AFDN: variants seen among roughly 807,000 people sequenced by gnomAD.
The protein encoded by AFDN is afadin, adherens junction formation factor, also known as afadin.
Under a neutral mutation model 216.6 loss-of-function variants are expected in AFDN, and 68 were observed. The ratio of observed to expected loss-of-function variants is 0.31; its 90% CI spans 0.26 to 0.38. The LOEUF is 0.38. Ranked by LOEUF, AFDN falls within the 10% of genes least tolerant of loss-of-function variation. AFDN has a pLI of 1.00. For synonymous variants in AFDN, 868 were observed against 853.7 expected, an observed-to-expected ratio of 1.02 and a Z score of -0.29; for missense variants, 2,136 against 2,342.0, an observed-to-expected ratio of 0.91 and a Z score of 1.82.
intron 23 of AFDN, among the ~76,000 whole-genome samples, chr6:167,936,177 C>G (rs1793977168): frequency 6.6e-6 from 1 of 152,216 alleles, no homozygotes; most frequent in African/African-American, 2.4e-5. Flanking sequence ...ATGAGCCACA[C>G]TTTCAGTGCT....
chr6:167,896,783 A>G (rs1583317731), intron 9 of AFDN, 95 bp from the exon 10 acceptor site: 2 of 674,046 alleles, frequency 3.0e-6, no homozygotes, highest in East Asian at 2.8e-5. Context: ...AGAAATGAGA[A>G]CTGTAGTGCC....
At chr6:167,952,569 T>A in intron 30 of AFDN, 1 of 941,888 alleles carries the variant, frequency 1.1e-6, no homozygotes, top group Non-Finnish European at 1.3e-6. Context: ...TACTTTAGGC[T>A]TTGCAGGCCA....
chr6:167,964,358 A>G lies in AFDN; in HGVS notation c.4969-1399A>G, dbSNP rs147726377. 523 of 1,064,496 alleles carry G rather than the reference A, an allele frequency of 4.9e-4. 1 individual carries two copies. In the African/African-American group the frequency reaches 8.2e-3, roughly 17 times the overall value. The allele number at this position is 1,064,496 out of a possible 1,614,324, so 65.9% of individuals were successfully genotyped here. On this transcript the variant is annotated intron_variant, in intron 31 of 33. Transcript: ENST00000683244. ...TTTCTTCCTAAAATGTTACCAAGCAACTGTTCTTCATGTTAATACTAAGAT... is the reference window on the plus strand; with the variant it reads ...TTTCTTCCTAAAATGTTACCAAGCAGCTGTTCTTCATGTTAATACTAAGAT...
chr6:167,884,444 G>A (rs1761691094), intron 6 of AFDN, among the ~76,000 whole-genome samples: 1 of 152,164 alleles, frequency 6.6e-6, no homozygotes, highest in South Asian at 2.1e-4. Context: ...AATAAGACTT[G>A]AAAGTCAAAA....
intron 27 of AFDN, among the ~76,000 whole-genome samples, chr6:167,947,165 T>C (rs1795363842): frequency 6.9e-6 from 1 of 145,052 alleles, no homozygotes; most frequent in South Asian, 2.4e-4. Context: ...GAAACTAAAA[T>C]ATGTTTTACA....
intron 6 of AFDN, 27 bp from the exon 7 acceptor site, chr6:167,889,188 C>T: frequency 6.7e-7 from 1 of 1,495,096 alleles, no homozygotes; most frequent in Non-Finnish European, 9.3e-7. Flanking sequence ...TTGGCACATT[C>T]ATAGTTAATT....
chr6:167,906,858 C>T (rs925186938), intron 12 of AFDN, among the ~76,000 whole-genome samples: 6 of 152,262 alleles, frequency 3.9e-5, no homozygotes, highest in Middle Eastern at 3.4e-3. Flanking sequence ...TTGTTGGAAT[C>T]GAATTACTAT....
intron 29 of AFDN, among the ~76,000 whole-genome samples, chr6:167,948,818 G>A (rs1583016007): frequency 6.6e-6 from 1 of 152,248 alleles, no homozygotes; most frequent in Non-Finnish European, 1.5e-5. Flanking sequence ...AGCTCATGGT[G>A]TGGCAGGGAA....
intron 30 of AFDN, among the ~76,000 whole-genome samples, chr6:167,960,743 T>C (rs1158701333): frequency 2.6e-5 from 4 of 152,178 alleles, no homozygotes; most frequent in Non-Finnish European, 5.9e-5. Context: ...GCAGGAAGCC[T>C]GTGGGGAGCT....
chr6:167,885,843 G>A (rs570216684), intron 6 of AFDN, among the ~76,000 whole-genome samples: 1 of 152,280 alleles, frequency 6.6e-6, no homozygotes, highest in African/African-American at 2.4e-5. Context: ...GTACATTTAC[G>A]AATACCCTGT....
chr6:167,906,789 GA>G (rs1370967082), intron 12 of AFDN, among the ~76,000 whole-genome samples: 5 of 152,150 alleles, frequency 3.3e-5, no homozygotes, highest in Admixed American at 2.0e-4. Context: ...ACTTTAAAAA[GA>G]CCCTGCCTCT....
At chr6:167,875,681 G>A (rs995704231) in intron 5 of AFDN, among the ~76,000 whole-genome samples, 186 bp downstream of exon 5, 1 of 151,388 alleles carries the variant, frequency 6.6e-6, no homozygotes, top group Non-Finnish European at 1.5e-5. Flanking sequence ...TTCACATAGG[G>A]ATATGTTTAG....
chr6:167,837,227 A>T (rs147385392), intron 1 of AFDN, among the ~76,000 whole-genome samples: 2,676 of 152,308 alleles, frequency 0.018, 41 homozygotes, highest in Middle Eastern at 0.085. Flanking sequence ...AGGAGCTAGT[A>T]TGTTTGCTTC....
At chr6:167,840,506 C>T (rs561663318) in intron 1 of AFDN, among the ~76,000 whole-genome samples, 2 of 152,306 alleles carry the variant, frequency 1.3e-5, no homozygotes, top group Non-Finnish European at 2.9e-5. Context: ...TGCTGGGGCT[C>T]ATTCTTGAAC....
chr6:167,877,981 T>C (rs1303971399), intron 5 of AFDN, among the ~76,000 whole-genome samples: 1 of 152,168 alleles, frequency 6.6e-6, no homozygotes, highest in African/African-American at 2.4e-5. Context: ...TGCTTCATGA[T>C]GGCTTCAAAA....
chr6:167,903,601 C>T (rs1473003356), intron 12 of AFDN, among the ~76,000 whole-genome samples: 3 of 152,214 alleles, frequency 2.0e-5, no homozygotes, highest in Non-Finnish European at 4.4e-5. Context: ...GTGCCACAAA[C>T]TCCTATGATC....
chr6:167,862,225 A>G (rs963109433), intron 1 of AFDN, among the ~76,000 whole-genome samples: 1 of 152,162 alleles, frequency 6.6e-6, no homozygotes, highest in Admixed American at 6.5e-5. Flanking sequence ...GGGAGAACGA[A>G]GGTGAAGGAA....
intron 23 of AFDN, among the ~76,000 whole-genome samples, chr6:167,938,651 C>T (rs924638593): frequency 9.2e-5 from 14 of 152,064 alleles, no homozygotes; most frequent in Non-Finnish European, 1.3e-4. Context: ...TAGAGGATTT[C>T]GGGTTCTTTA....
At chr6:167,946,943 C>G (rs761098029) in intron 27 of AFDN, 42 bp downstream of exon 27, 1 of 1,546,898 alleles carries the variant, frequency 6.5e-7, no homozygotes, top group Admixed American at 2.0e-5. Flanking sequence ...CACTTGTGAT[C>G]ACAGTCTGAA....
Sources: gnomAD v4.1 joint callset for allele counts (sites outside exome capture counted in the v4.1 genomes callset) on GRCh38, gnomAD v4.1.1 for gene constraint, MANE v1.5 for transcripts, NCBI Gene and HGNC (gene_info 2026-07-23, HGNC 2026-07-21) for gene names.